MLLT10: variants seen among roughly 807,000 people sequenced by gnomAD.
MLLT10 encodes MLLT10 histone lysine methyltransferase DOT1L cofactor.
In MLLT10, 30 loss-of-function variants were observed where a neutral mutation model predicts 129.1. The observed-to-expected ratio is 0.23, with a 90% CI of 0.17 to 0.32. The LOEUF (loss-of-function observed/expected upper bound fraction) is 0.32. Ranked by LOEUF, MLLT10 falls within the 10% of genes least tolerant of loss-of-function variation. The probability of loss-of-function intolerance (pLI) is 1.00; values close to 1 mark genes in which losing one functional copy is unlikely to be tolerated. For synonymous variants in MLLT10, 490 were observed against 446.4 expected (o/e 1.10, Z -1.23); for missense variants, 1,119 against 1,268.3 (o/e 0.88, Z 1.79).
intron 3 of MLLT10, among the ~76,000 whole-genome samples, chr10:21,539,258 T>C (rs377442885): frequency 5.8e-4 from 88 of 152,332 alleles, no homozygotes; most frequent in East Asian, 1.5e-3. Flanking sequence ...GGAAGTTACA[T>C]TGATAATTCT....
At chr10:21,696,876 T>G (rs1257513206) in intron 13 of MLLT10, among the ~76,000 whole-genome samples, 2 of 152,096 alleles carry the variant, frequency 1.3e-5, no homozygotes, top group Non-Finnish European at 2.9e-5. Context: ...GTAGCCAAAG[T>G]GATCTTATAA....
intron 8 of MLLT10, among the ~76,000 whole-genome samples, chr10:21,633,943 G>A (rs1221348109): frequency 6.6e-6 from 1 of 152,162 alleles, no homozygotes; most frequent in Non-Finnish European, 1.5e-5. Context: ...ATCAAACGTT[G>A]CATTTAGTTG....
intron 3 of MLLT10, among the ~76,000 whole-genome samples, chr10:21,572,543 C>CT (rs1400866513): frequency 6.6e-6 from 1 of 151,892 alleles, no homozygotes; most frequent in African/African-American, 2.4e-5. Flanking sequence ...TTATTTAGGT[C>CT]TTTTTTGCTT....
chr10:21,579,437 CTCTT>C lies in MLLT10; in HGVS notation c.241-6856_241-6853del, dbSNP rs375451094. Among the ~76,000 whole-genome samples the C allele has an allele frequency of 2.7e-4, 40 of 150,544 alleles. 2 individuals are homozygous for C. The highest frequency in any genetic ancestry group is 9.0e-4 in the African/African-American group (37 of 41,130). ...TTCTTTCCTGCCTCATATTCTTTCT[CTCTT>C]CTTCTTTTTAAGGCCTTTGGTTATG... is the stretch of plus-strand genomic sequence containing the variant. On this transcript the variant is annotated intron_variant, in intron 3 of 22. Transcript: ENST00000307729.
chr10:21,592,802 T>C (rs2042639283), intron 4 of MLLT10, among the ~76,000 whole-genome samples: 1 of 152,186 alleles, frequency 6.6e-6, no homozygotes, highest in East Asian at 1.9e-4. Flanking sequence ...TGTATGTCTT[T>C]ATTTACTCTG....
At position 21,651,730 on chromosome 10, in the gene MLLT10, C is replaced by G; in HGVS notation, c.757C>G (p.Pro253Ala). 1 of 1,613,300 alleles carries G rather than the reference C, an allele frequency of 6.2e-7. No individual in the cohort carries two copies. Among genetic ancestry groups the G allele is most frequent in the Admixed American group, 1.7e-5 (1 of 59,956 alleles). ...ACACAAGAAGCAGCCAGAACCATCA[C>G]CTGCATTGGTTCCATCCTTGACTGT... ...QKHKKQPEPS[P>A]ALVPSLTVTT... is the part of the protein sequence containing the mutation. The change falls in exon 9 of 23, where the codon CCT becomes GCT. Residue 253 changes from proline to alanine, a missense_variant. Physicochemically the swap from Pro to Ala is conservative, Grantham distance 27. This residue lies in a region of MLLT10 where 1,004 missense variants were observed against 1,008.7 expected (regional missense o/e 1.00). Coordinates refer to ENST00000307729, the MANE Select transcript of MLLT10 (RefSeq NM_001195626.3).
chr10:21,628,910 G>A (rs1490579184), intron 8 of MLLT10, among the ~76,000 whole-genome samples: 2 of 151,228 alleles, frequency 1.3e-5, no homozygotes, highest in Non-Finnish European at 2.9e-5. Context: ...CACCATGCCC[G>A]GCTAAGTTTT....
rs1171355836 is a variant in MLLT10 at position 21,713,956 on chromosome 10, T to C, written c.1878+6T>C. 1 of 1,605,638 alleles carries C rather than the reference T, an allele frequency of 6.2e-7. No homozygotes were observed. The highest frequency in any genetic ancestry group is 1.7e-5 in the Admixed American group (1 of 58,694). ...CTGCTGTTGCTACAACTCAGGTAAG[T>C]TGTTACACTATCATGTGACAGGTAA... On this transcript the variant is annotated splice_donor_region_variant and intron_variant, in intron 14 of 22. Transcript: ENST00000307729.
chr10:21,651,034 G>A (rs1000043127), intron 8 of MLLT10, among the ~76,000 whole-genome samples: 1 of 126,586 alleles, frequency 7.9e-6, no homozygotes, highest in African/African-American at 2.9e-5. Flanking sequence ...GTATTTGGTG[G>A]TTGTGTTGTT....
intron 10 of MLLT10, chr10:21,670,935 G>A (rs748576515): frequency 1.6e-5 from 7 of 441,462 alleles, no homozygotes; most frequent in Admixed American, 4.0e-5. Flanking sequence ...GAGTTGAATT[G>A]TAATTTTAAT....
intron 14 of MLLT10, among the ~76,000 whole-genome samples, chr10:21,717,712 C>T (rs2056784625): frequency 4.1e-5 from 3 of 72,752 alleles, no homozygotes; most frequent in Non-Finnish European, 5.2e-5. Flanking sequence ...TCCTCCTCCT[C>T]CTCTTCCTCC....
intron 4 of MLLT10, among the ~76,000 whole-genome samples, chr10:21,594,426 G>A (rs1053875599): frequency 6.6e-6 from 1 of 151,894 alleles, no homozygotes; most frequent in Non-Finnish European, 1.5e-5. Flanking sequence ...GTGCATGCCT[G>A]TAATCCCAGC....
At chr10:21,560,456 G>C (rs983277903) in intron 3 of MLLT10, among the ~76,000 whole-genome samples, 1 of 151,976 alleles carries the variant, frequency 6.6e-6, no homozygotes, top group African/African-American at 2.4e-5. Flanking sequence ...CTGTTTTTGA[G>C]ACAGGGTCTA....
chr10:21,693,453 G>A (rs1046615807), intron 13 of MLLT10, among the ~76,000 whole-genome samples: 2 of 150,900 alleles, frequency 1.3e-5, no homozygotes, highest in Non-Finnish European at 2.9e-5. Flanking sequence ...CGTGCTCTTA[G>A]TATCTTTCCT....
At chr10:21,706,473 CTT>C (rs1284535313) in intron 13 of MLLT10, among the ~76,000 whole-genome samples, 1 of 152,316 alleles carries the variant, frequency 6.6e-6, no homozygotes, top group African/African-American at 2.4e-5. Flanking sequence ...AGGATTTGGA[CTT>C]TTAACTATTT....
intron 8 of MLLT10, among the ~76,000 whole-genome samples, chr10:21,630,616 C>T (rs2046906975): frequency 2.0e-5 from 3 of 152,222 alleles, no homozygotes; most frequent in African/African-American, 7.2e-5. Flanking sequence ...TAAATGTCAT[C>T]TTGCCCCAGG....
intron 13 of MLLT10, chr10:21,688,359 G>C: frequency 1.4e-6 from 1 of 710,894 alleles, no homozygotes; most frequent in South Asian, 1.8e-5. Flanking sequence ...GTTTCATGGG[G>C]ATTTTAACCC....
intron 3 of MLLT10, among the ~76,000 whole-genome samples, chr10:21,545,016 A>G (rs1476536557): frequency 6.6e-6 from 1 of 152,188 alleles, no homozygotes; most frequent in African/African-American, 2.4e-5. Flanking sequence ...GTGGTGGCAC[A>G]TGCCTGTAAT....
chr10:21,619,369 A>C (rs1344988593), intron 8 of MLLT10, among the ~76,000 whole-genome samples: 2 of 152,186 alleles, frequency 1.3e-5, no homozygotes, highest in Non-Finnish European at 1.5e-5. Flanking sequence ...TCTTGTATAA[A>C]AAGCGCTTAC....
Sources: gnomAD v4.1 joint callset for allele counts (sites outside exome capture counted in the v4.1 genomes callset) on GRCh38, gnomAD v4.1.1 for gene constraint, gnomAD v4.1.1 regional missense constraint, MANE v1.5 for transcripts, NCBI Gene and HGNC (gene_info 2026-07-23, HGNC 2026-07-21) for gene names.